ENTREP2: variants seen among roughly 807,000 people sequenced by gnomAD.
ENTREP2 encodes protein ENTREP2.
At chr15:29,266,775 C>T in the ENTREP2 span, 3 of 152,246 alleles carry the variant, frequency 2.0e-5, no homozygotes, top group African/African-American at 7.2e-5. Flanking sequence ...TTTGTTACCT[C>T]TGGGGAGGGT....
the ENTREP2 span, among the ~76,000 whole-genome samples, chr15:29,411,501 T>C: frequency 6.6e-6 from 1 of 152,222 alleles, no homozygotes; most frequent in Non-Finnish European, 1.5e-5. Context: ...GAAATGCCTA[T>C]GTAAGCATTT....
At chr15:29,379,643 C>A in the ENTREP2 span, among the ~76,000 whole-genome samples, 2 of 152,164 alleles carry the variant, frequency 1.3e-5, no homozygotes, top group East Asian at 3.9e-4. Context: ...GAGACCCCAG[C>A]CTGCTTCCCT....
the ENTREP2 span, among the ~76,000 whole-genome samples, chr15:29,406,175 A>G: frequency 6.6e-6 from 1 of 152,240 alleles, no homozygotes; most frequent in African/African-American, 2.4e-5. Context: ...ATGGGACTCC[A>G]TTGTATAAAA....
chr15:29,582,630 T>C, the ENTREP2 span, among the ~76,000 whole-genome samples: 1 of 152,084 alleles, frequency 6.6e-6, no homozygotes, highest in Non-Finnish European at 1.5e-5. Context: ...AAAATAATCC[T>C]GAATTTATTT....
the ENTREP2 span, among the ~76,000 whole-genome samples, chr15:29,560,807 G>A: frequency 6.6e-6 from 1 of 151,664 alleles, no homozygotes. Flanking sequence ...ATTAGCAAAT[G>A]TCTTTATTCC....
the ENTREP2 span, among the ~76,000 whole-genome samples, chr15:29,423,237 T>C: frequency 6.6e-6 from 1 of 152,196 alleles, no homozygotes; most frequent in Non-Finnish European, 1.5e-5. Flanking sequence ...TACACAGTTG[T>C]TTACTATACA....
the ENTREP2 span, chr15:29,121,530 G>C: frequency 5.3e-5 from 8 of 152,236 alleles, no homozygotes; most frequent in African/African-American, 1.7e-4. Context: ...GGCGTCAGGC[G>C]TGGCTGAAGC....
the ENTREP2 span, among the ~76,000 whole-genome samples, chr15:29,183,548 A>G: frequency 6.6e-6 from 1 of 152,216 alleles, no homozygotes; most frequent in South Asian, 2.1e-4. Context: ...TGAACAGGAG[A>G]TGGAGAAGCA....
the ENTREP2 span, among the ~76,000 whole-genome samples, chr15:29,381,073 G>GA: frequency 2.0e-5 from 3 of 150,974 alleles, no homozygotes; most frequent in East Asian, 6.0e-4. Context: ...GGCTGGTCTC[G>GA]AGCTCCTGAC....
At chr15:29,244,474 G>A in the ENTREP2 span, among the ~76,000 whole-genome samples, 3 of 152,224 alleles carry the variant, frequency 2.0e-5, no homozygotes, top group Non-Finnish European at 2.9e-5. Context: ...GCTGACGCAT[G>A]TGCGCCAGGA....
the ENTREP2 span, among the ~76,000 whole-genome samples, chr15:29,219,613 A>AT: frequency 4.2e-4 from 18 of 42,704 alleles, no homozygotes; most frequent in African/African-American, 8.9e-4. Context: ...TGTGGTGCAT[A>AT]AATATATATA....
At chr15:29,283,539 T>TG in the ENTREP2 span, among the ~76,000 whole-genome samples, 4 of 151,978 alleles carry the variant, frequency 2.6e-5, no homozygotes, top group Admixed American at 6.6e-5. Flanking sequence ...CACCATGGCC[T>TG]GGGGGGGATT....
the ENTREP2 span, among the ~76,000 whole-genome samples, chr15:29,403,924 T>C: frequency 1.3e-5 from 2 of 152,200 alleles, no homozygotes; most frequent in Admixed American, 1.3e-4. Flanking sequence ...TCTGCTCTGC[T>C]GCCCCTGGCT....
the ENTREP2 span, among the ~76,000 whole-genome samples, chr15:29,336,029 C>G: frequency 6.7e-6 from 1 of 150,284 alleles, no homozygotes; most frequent in South Asian, 2.1e-4. Context: ...GTAGTCCCAG[C>G]TGCTCAAGAG....
chr15:29,522,893 G>C, the ENTREP2 span, among the ~76,000 whole-genome samples: 1 of 152,072 alleles, frequency 6.6e-6, no homozygotes, highest in South Asian at 2.1e-4. Flanking sequence ...TAGAGGTGGT[G>C]GTTAACAAAA....
the ENTREP2 span, among the ~76,000 whole-genome samples, chr15:29,590,592 G>A: frequency 1.4e-5 from 2 of 145,824 alleles, no homozygotes; most frequent in Admixed American, 7.2e-5. Context: ...GCTGAGGCAG[G>A]AGAATTGCTT....
At chr15:29,546,272 G>C in the ENTREP2 span, among the ~76,000 whole-genome samples, 2 of 152,134 alleles carry the variant, frequency 1.3e-5, no homozygotes. Flanking sequence ...CCACACAGTG[G>C]AAGGAAAGCA....
chr15:29,369,773 G>A, the ENTREP2 span, among the ~76,000 whole-genome samples: 2 of 152,256 alleles, frequency 1.3e-5, no homozygotes, highest in Non-Finnish European at 2.9e-5. Context: ...ATGCAACAGT[G>A]TTTGGAGGTG....
At chr15:29,298,149 A>G in the ENTREP2 span, among the ~76,000 whole-genome samples, 4 of 151,188 alleles carry the variant, frequency 2.6e-5, no homozygotes, top group Non-Finnish European at 5.9e-5. Context: ...ATATCCTTCT[A>G]AGTAACCTAT....
Sources: gnomAD v4.1 joint callset for allele counts (sites outside exome capture counted in the v4.1 genomes callset) on GRCh38, gnomAD v4.1.1 for gene constraint, MANE v1.5 for transcripts, NCBI Gene and HGNC (gene_info 2026-07-23, HGNC 2026-07-21) for gene names.